Variants in DPYSL5 observed in about 807,000 individuals in gnomAD.
DPYSL5 encodes dihydropyrimidinase-related protein 5.
In DPYSL5, 9 loss-of-function variants were observed where a neutral mutation model predicts 58.4. The ratio of observed to expected loss-of-function variants is 0.15; its 90% CI spans 0.09 to 0.27. The LOEUF (loss-of-function observed/expected upper bound fraction) is 0.27, where lower values mean the gene tolerates loss of function less well. DPYSL5 is among the 10% of genes least tolerant of loss of function. DPYSL5 has a pLI of 1.00. For missense variants in DPYSL5, 499 were observed against 770.6 expected (o/e 0.65, Z 4.17); for synonymous variants, 293 against 301.9 (o/e 0.97, Z 0.31).
intron 1 of DPYSL5, among the ~76,000 whole-genome samples, chr2:26,895,552 GA>G (rs747521030): frequency 1.4e-4 from 21 of 152,014 alleles, no homozygotes; most frequent in Non-Finnish European, 2.9e-4. Context: ...ATTAATAGAT[GA>G]ATTACCTCAT....
At chr2:26,885,479 A>AAC (rs1663693623) in intron 1 of DPYSL5, among the ~76,000 whole-genome samples, 1 of 152,112 alleles carries the variant, frequency 6.6e-6, no homozygotes, top group Non-Finnish European at 1.5e-5. Flanking sequence ...CCCAGGTACA[A>AAC]ACGCCCCAGT....
At chr2:26,913,453 T>C (rs191922020) in intron 2 of DPYSL5, among the ~76,000 whole-genome samples, 1 of 152,322 alleles carries the variant, frequency 6.6e-6, no homozygotes, top group Non-Finnish European at 1.5e-5. Flanking sequence ...CCTTCCTTTT[T>C]AAGGCTGAAT....
intron 1 of DPYSL5, among the ~76,000 whole-genome samples, chr2:26,872,474 G>A (rs989437980): frequency 6.6e-6 from 1 of 152,100 alleles, no homozygotes; most frequent in Non-Finnish European, 1.5e-5. Flanking sequence ...GGCGGATCAC[G>A]AGGGCAGGAG....
At chr2:26,872,356 G>A (rs914100228) in intron 1 of DPYSL5, among the ~76,000 whole-genome samples, 1 of 152,202 alleles carries the variant, frequency 6.6e-6, no homozygotes, top group African/African-American at 2.4e-5. Context: ...ATTGGACTCT[G>A]TCATTCCACA....
At chr2:26,907,178 A>G (rs1317153582) in intron 2 of DPYSL5, among the ~76,000 whole-genome samples, 2 of 151,834 alleles carry the variant, frequency 1.3e-5, no homozygotes, top group African/African-American at 2.4e-5. Flanking sequence ...GCAGTGGTGC[A>G]ATCTTGGCTC....
rs746359864 is a variant in DPYSL5, at chr2:26,940,074, A to G, written c.991A>G (p.Thr331Ala). The change falls in exon 9 of 13, where the codon ACA (threonine) becomes GCA (alanine). Residue 331 changes from threonine to alanine, a missense_variant. Physicochemically the swap from Thr to Ala is moderately conservative, Grantham distance 58. Coordinates refer to ENST00000288699, the MANE Select transcript of DPYSL5 (RefSeq NM_020134.4). The part of the protein sequence containing the change: ...IVASDHRPFT[T>A]KQKAMGKEDF... ...GGCATCAGATCACCGGCCTTTCACC[A>G]CAAAGCAGAAAGCTATGGGCAAGGA... 1 of 1,614,152 alleles carries G rather than the reference A, an allele frequency of 6.2e-7. No individual in the cohort carries two copies. The highest frequency in any genetic ancestry group is 8.5e-7 in the Non-Finnish European group (1 of 1,180,044).
At chr2:26,850,630 A>G (rs988805053) in intron 1 of DPYSL5, among the ~76,000 whole-genome samples, 2 of 152,190 alleles carry the variant, frequency 1.3e-5, no homozygotes, top group African/African-American at 4.8e-5. Flanking sequence ...ATTTGCCACT[A>G]AGTTAACTGA....
chr2:26,891,820 G>T (rs1337866394), intron 1 of DPYSL5, among the ~76,000 whole-genome samples: 1 of 152,032 alleles, frequency 6.6e-6, no homozygotes, highest in Non-Finnish European at 1.5e-5. Context: ...CCACAGGCAT[G>T]CACTACCACG....
intron 2 of DPYSL5, among the ~76,000 whole-genome samples, chr2:26,903,565 C>T (rs1664215259): frequency 6.6e-6 from 1 of 152,162 alleles, no homozygotes; most frequent in African/African-American, 2.4e-5. Flanking sequence ...TTCTGAGGAA[C>T]TTTGAGGGGT....
intron 2 of DPYSL5, among the ~76,000 whole-genome samples, chr2:26,899,399 A>C (rs1043725863): frequency 2.6e-5 from 4 of 152,174 alleles, no homozygotes; most frequent in African/African-American, 9.7e-5. Flanking sequence ...AAGAGCCATG[A>C]ATGGGCTTTT....
At chr2:26,861,091 C>T (rs1665999554) in intron 1 of DPYSL5, among the ~76,000 whole-genome samples, 1 of 152,114 alleles carries the variant, frequency 6.6e-6, no homozygotes, top group Admixed American at 6.6e-5. Flanking sequence ...GCTTATGTTC[C>T]CAAACGGACC....
chr2:26,928,400 C>A, intron 5 of DPYSL5, 77 bp downstream of exon 5: 1 of 1,495,692 alleles, frequency 6.7e-7, no homozygotes, highest in African/African-American at 1.4e-5. Flanking sequence ...GAGGAGACAT[C>A]AAACATACAA....
chr2:26,885,136 T>C (rs1050754622), intron 1 of DPYSL5, among the ~76,000 whole-genome samples: 4 of 151,840 alleles, frequency 2.6e-5, no homozygotes, highest in African/African-American at 9.7e-5. Flanking sequence ...GAGGTGGAGG[T>C]TGCAGTGAGC....
At chr2:26,921,976 G>A (rs1664717164) in intron 2 of DPYSL5, among the ~76,000 whole-genome samples, 1 of 152,028 alleles carries the variant, frequency 6.6e-6, no homozygotes, top group Non-Finnish European at 1.5e-5. Flanking sequence ...CCTGTCCTTA[G>A]ACCCAGGCAA....
In DPYSL5 at chr2:26,933,234, C is replaced by T; in HGVS notation, c.715-24C>T. On this transcript the variant is annotated intron_variant, in intron 6 of 12. Transcript: ENST00000288699. The surrounding 1 kb of genome is among the most constrained non-coding windows in gnomAD (Gnocchi z 4.2). ...GAAGTTTATGGGTCAACCCTCCCTA[C>T]TTCCCACTGTTTCTTGTGTTTAGAC... 6.2e-7 allele frequency: 1 copy of T among 1,611,614 alleles called. No homozygotes were observed. Among genetic ancestry groups the T allele is most frequent in the Non-Finnish European group, 8.5e-7 (1 of 1,177,670 alleles).
intron 1 of DPYSL5, among the ~76,000 whole-genome samples, chr2:26,869,930 G>T (rs1280288509): frequency 6.6e-6 from 1 of 152,214 alleles, no homozygotes; most frequent in Non-Finnish European, 1.5e-5. Context: ...AGAATTGCTT[G>T]AACCTGGGAG....
At chr2:26,895,893 C>T (rs1197526283) in intron 1 of DPYSL5, among the ~76,000 whole-genome samples, 2 of 149,448 alleles carry the variant, frequency 1.3e-5, no homozygotes, top group East Asian at 2.0e-4. Flanking sequence ...CAATTCTCTA[C>T]CTCAGCCTCC....
intron 2 of DPYSL5, among the ~76,000 whole-genome samples, chr2:26,903,093 G>A (rs540473044): frequency 6.3e-5 from 9 of 142,952 alleles, no homozygotes; most frequent in Non-Finnish European, 1.2e-4. Context: ...TTTTTGAAAT[G>A]AAGTCTCACA....
chr2:26,850,006 G>A (rs1572665012), intron 1 of DPYSL5, among the ~76,000 whole-genome samples: 1 of 152,362 alleles, frequency 6.6e-6, no homozygotes. Flanking sequence ...GGTCGCCTCG[G>A]TGCAGCGCGG....
Sources: allele counts gnomAD v4.1 joint callset (sites outside exome capture counted in the v4.1 genomes callset), GRCh38; gene constraint gnomAD v4.1.1; non-coding constraint Gnocchi (gnomAD v3.1); transcripts MANE v1.5; gene names NCBI Gene and HGNC (gene_info 2026-07-23, HGNC 2026-07-21).